AFF3: variants seen among roughly 807,000 people sequenced by gnomAD.
AFF3 encodes the protein ALF transcription elongation factor 3, also known as AF4/FMR2 family member 3.
AFF3 carries 32 observed loss-of-function variants against 129.7 expected under a neutral mutation model. That is an observed-to-expected ratio of 0.25 (90% CI 0.19 to 0.33). The LOEUF (loss-of-function observed/expected upper bound fraction) is 0.33. AFF3 is among the 10% of genes least tolerant of loss of function. AFF3 has a pLI of 1.00. For synonymous variants in AFF3, 644 were observed against 635.4 expected, an observed-to-expected ratio of 1.01 and a Z score of -0.20; for missense variants, 1,373 against 1,592.0, an observed-to-expected ratio of 0.86 and a Z score of 2.34.
intron 7 of AFF3, among the ~76,000 whole-genome samples, chr2:99,873,956 C>T (rs1381359154): frequency 4.0e-5 from 6 of 151,876 alleles, no homozygotes; most frequent in African/African-American, 2.4e-5. Flanking sequence ...GGGCAGATCA[C>T]GAGGTCAGGA....
intron 13 of AFF3, among the ~76,000 whole-genome samples, chr2:99,628,769 G>A (rs527239749): frequency 2.2e-5 from 3 of 139,002 alleles, no homozygotes; most frequent in African/African-American, 8.2e-5. Context: ...TGCCTAGGCT[G>A]GAGTGCAATG....
intron 2 of AFF3, among the ~76,000 whole-genome samples, chr2:100,123,638 C>G (rs1293804269): frequency 8.5e-5 from 13 of 152,176 alleles, no homozygotes; most frequent in Non-Finnish European, 7.3e-5. Flanking sequence ...AAGGCCTCCT[C>G]ATTTTGACTC....
intron 11 of AFF3, among the ~76,000 whole-genome samples, chr2:99,708,816 C>G (rs1471071683): frequency 1.3e-5 from 2 of 152,138 alleles, no homozygotes; most frequent in Non-Finnish European, 2.9e-5. Flanking sequence ...TATTTCTGAA[C>G]ATCTAAAGAA....
intron 7 of AFF3, among the ~76,000 whole-genome samples, chr2:99,869,086 C>T (rs544788862): frequency 4.3e-4 from 65 of 152,230 alleles, no homozygotes; most frequent in Non-Finnish European, 7.5e-4. Context: ...TGTGAGCCAC[C>T]GTGCCCAGCA....
chr2:99,844,439 T>C (rs112595135), intron 7 of AFF3, among the ~76,000 whole-genome samples: 5 of 116,692 alleles, frequency 4.3e-5, no homozygotes, highest in African/African-American at 1.1e-4. Context: ...CTTTTCTTTT[T>C]TTTTTTTTTT....
chr2:100,082,952 TC>T (rs1689142777), intron 4 of AFF3, among the ~76,000 whole-genome samples: 1 of 152,008 alleles, frequency 6.6e-6, no homozygotes, highest in Non-Finnish European at 1.5e-5. Context: ...TGGTGATGCA[TC>T]CCTGTAATCC....
intron 7 of AFF3, among the ~76,000 whole-genome samples, chr2:99,990,181 A>G (rs905650408): frequency 6.6e-6 from 1 of 152,144 alleles, no homozygotes; most frequent in African/African-American, 2.4e-5. Context: ...CTCACAACTG[A>G]GTTCGAGGAG....
intron 18 of AFF3, among the ~76,000 whole-genome samples, chr2:99,570,377 G>A (rs572794605): frequency 2.6e-4 from 39 of 152,178 alleles, no homozygotes; most frequent in Non-Finnish European, 4.9e-4. Flanking sequence ...TCACTCTGTC[G>A]CCTAGGCTGG....
intron 4 of AFF3, among the ~76,000 whole-genome samples, chr2:100,063,012 A>G (rs1239089815): frequency 6.6e-6 from 1 of 152,026 alleles, no homozygotes; most frequent in East Asian, 1.9e-4. Context: ...CCACTTTGGG[A>G]GGCCAAGGCG....
intron 4 of AFF3, among the ~76,000 whole-genome samples, chr2:100,063,546 G>A (rs139985984): frequency 3.1e-4 from 47 of 152,158 alleles, no homozygotes; most frequent in African/African-American, 7.5e-4. Flanking sequence ...AATAGAATTA[G>A]TGAATTGGAA....
chr2:99,925,333 C>T (rs1051601521), intron 7 of AFF3, among the ~76,000 whole-genome samples: 4 of 151,878 alleles, frequency 2.6e-5, no homozygotes, highest in African/African-American at 9.7e-5. Flanking sequence ...TTTTTTCAAG[C>T]TTACTAAGGA....
At chr2:99,928,539 G>A (rs1696440495) in intron 7 of AFF3, among the ~76,000 whole-genome samples, 1 of 152,140 alleles carries the variant, frequency 6.6e-6, no homozygotes, top group South Asian at 2.1e-4. Context: ...TTGTTTTCCA[G>A]TGTCAGATGG....
intron 13 of AFF3, among the ~76,000 whole-genome samples, chr2:99,636,461 A>G (rs2105447306): frequency 6.6e-6 from 1 of 152,312 alleles, no homozygotes; most frequent in East Asian, 1.9e-4. Context: ...AATGGAACCG[A>G]CCTGAAATTA....
rs535933608 is a variant in AFF3, at chr2:99,716,707, C to T, written c.1091+10370G>A. On this transcript the variant is annotated intron_variant, in intron 11 of 24. Transcript: ENST00000672756. ...ACCAGCCTGGCCAACATGGTGAAAC[C>T]CCATCTCTACTAAAAATACAAAAAT... 3.2e-3 allele frequency among the ~76,000 whole-genome samples: 479 copies of T among 151,672 alleles called. 1 individual carries two copies. The highest frequency in any genetic ancestry group is 5.7e-3 in the Non-Finnish European group (389 of 67,936).
intron 4 of AFF3, among the ~76,000 whole-genome samples, chr2:100,057,278 G>A (rs111932548): frequency 5.5e-4 from 72 of 129,912 alleles, no homozygotes; most frequent in Middle Eastern, 0.014. Context: ...CTGAGATCAC[G>A]CCACTGCACA....
chr2:99,679,488 C>T (rs558646879), intron 11 of AFF3, among the ~76,000 whole-genome samples: 1 of 152,180 alleles, frequency 6.6e-6, no homozygotes, highest in Non-Finnish European at 1.5e-5. Flanking sequence ...TCACAAAAGC[C>T]AGTCTCATTT....
intron 7 of AFF3, among the ~76,000 whole-genome samples, chr2:99,867,003 A>AATAATAAAAAAT (rs1558928973): frequency 2.0e-5 from 2 of 99,150 alleles, no homozygotes; most frequent in African/African-American, 7.1e-5. Flanking sequence ...ATAATAATAA[A>AATAATAAAAAAT]AAATAAATAA....
intron 7 of AFF3, among the ~76,000 whole-genome samples, chr2:99,856,284 A>C (rs996318027): frequency 6.6e-6 from 1 of 152,204 alleles, no homozygotes; most frequent in Non-Finnish European, 1.5e-5. Flanking sequence ...GATTTAAACA[A>C]GAACCAGAAT....
intron 8 of AFF3, among the ~76,000 whole-genome samples, chr2:99,788,686 A>G (rs935852936): frequency 6.6e-6 from 1 of 152,210 alleles, no homozygotes; most frequent in African/African-American, 2.4e-5. Flanking sequence ...TAAATTTAGT[A>G]TAGTCTAAGT....
Sources: gnomAD v4.1 joint callset for allele counts (sites outside exome capture counted in the v4.1 genomes callset) on GRCh38, gnomAD v4.1.1 for gene constraint, MANE v1.5 for transcripts, NCBI Gene and HGNC (gene_info 2026-07-23, HGNC 2026-07-21) for gene names.